TMEM132C: variants seen among roughly 807,000 people sequenced by gnomAD.
TMEM132C encodes the protein transmembrane protein 132C, also known as protein phosphatase 1, regulatory subunit 152.
A neutral mutation model predicts 61.4 loss-of-function variants in TMEM132C; 29 were observed. The ratio of observed to expected loss-of-function variants is 0.47; its 90% CI spans 0.35 to 0.64. TMEM132C has a LOEUF of 0.64. Among genes scored for constraint, TMEM132C ranks in the 30% least tolerant of loss-of-function variants. The pLI is 0.00. For synonymous variants in TMEM132C, 656 were observed against 633.1 expected, an observed-to-expected ratio of 1.04 and a Z score of -0.54; for missense variants, 1,408 against 1,476.9, an observed-to-expected ratio of 0.95 and a Z score of 0.76.
chr12:128,334,621 T>C (rs1593014839), intron 1 of TMEM132C, among the ~76,000 whole-genome samples: 1 of 148,308 alleles, frequency 6.7e-6, no homozygotes, highest in African/African-American at 2.5e-5. Context: ...TTTGAGACGG[T>C]GTCTTGCTCT....
At chr12:128,655,913 C>T (rs550687976) in intron 4 of TMEM132C, among the ~76,000 whole-genome samples, 1 of 152,258 alleles carries the variant, frequency 6.6e-6, no homozygotes, top group Admixed American at 6.5e-5. Flanking sequence ...TGAGAATAAC[C>T]GAAAACCTTC....
At chr12:128,492,975 G>A (rs1269163900) in intron 2 of TMEM132C, among the ~76,000 whole-genome samples, 2 of 152,028 alleles carry the variant, frequency 1.3e-5, no homozygotes, top group African/African-American at 2.4e-5. Flanking sequence ...GGGTTTTTAT[G>A]GTTTTAGGTC....
At chr12:128,411,097 A>G (rs768091261) in intron 1 of TMEM132C, among the ~76,000 whole-genome samples, 2 of 152,192 alleles carry the variant, frequency 1.3e-5, no homozygotes, top group African/African-American at 4.8e-5. Flanking sequence ...CTGTGTGTGC[A>G]TGTTGGGGGA....
chr12:128,287,039 G>C (rs1484372524), intron 1 of TMEM132C, among the ~76,000 whole-genome samples: 1 of 152,216 alleles, frequency 6.6e-6, no homozygotes, highest in African/African-American at 2.4e-5. Context: ...TCATGTCTGT[G>C]AGAAATCTTG....
At position 128,706,061 on chromosome 12, in the gene TMEM132C, C is replaced by CG. The variant is rs751198748; in HGVS notation, c.3099dup (p.Arg1034AlafsTer46). ...GCCAGATTCACAGGTCAGCCGACTC[C>CG]GGGGGGCGGCAGGGCAGAGAACAGA... is the stretch of plus-strand genomic sequence containing the variant. On this transcript the variant is annotated frameshift_variant, in exon 9 of 9. Coordinates refer to ENST00000435159, the MANE Select transcript of TMEM132C (RefSeq NM_001136103.3). LOFTEE classifies it low-confidence loss of function (END_TRUNC). The CG allele has an allele frequency of 4.5e-6, 7 of 1,551,668 alleles. No individual in the cohort carries two copies. In the South Asian group the frequency reaches 4.8e-5, roughly 11 times the overall value.
At chr12:128,538,709 A>G (rs1321193201) in intron 2 of TMEM132C, among the ~76,000 whole-genome samples, 1 of 152,244 alleles carries the variant, frequency 6.6e-6, no homozygotes, top group Non-Finnish European at 1.5e-5. Flanking sequence ...TCACCGAGTA[A>G]CGCACTGATG....
intron 2 of TMEM132C, among the ~76,000 whole-genome samples, chr12:128,509,299 G>C (rs556168444): frequency 1.3e-5 from 2 of 152,146 alleles, no homozygotes; most frequent in Non-Finnish European, 2.9e-5. Flanking sequence ...GGGAAAGAGC[G>C]GGCGGGAGGG....
intron 5 of TMEM132C, among the ~76,000 whole-genome samples, chr12:128,686,472 A>G (rs1954678087): frequency 6.6e-6 from 1 of 152,226 alleles, no homozygotes; most frequent in East Asian, 1.9e-4. Flanking sequence ...GTGTGCCTGT[A>G]GTCCCAGCCA....
At chr12:128,449,799 C>T (rs75840394) in intron 2 of TMEM132C, among the ~76,000 whole-genome samples, 10,318 of 152,190 alleles carry the variant, frequency 0.068, 431 homozygotes, top group Middle Eastern at 0.11. Context: ...GCTGCTGCTT[C>T]CCAGGAAGGT....
rs887247209 is a variant in TMEM132C, at chr12:128,707,126, G to C, written c.*831G>C. ...GAGGGAGCCCTCAGAGCCTTCTGGGGGAGGAGAGGAACTGTCCTTAATCCA... is the reference window on the plus strand; with the variant it reads ...GAGGGAGCCCTCAGAGCCTTCTGGGCGAGGAGAGGAACTGTCCTTAATCCA... On this transcript the variant is annotated 3_prime_UTR_variant, in exon 9 of 9. Transcript: ENST00000435159. The C allele has an allele frequency of 6.6e-6, 1 of 152,138 alleles. No homozygotes were observed. The allele number at this position is 152,138 out of a possible 1,614,324, so 9.4% of individuals were successfully genotyped here.
intron 2 of TMEM132C, among the ~76,000 whole-genome samples, chr12:128,493,877 CA>C (rs1215002560): frequency 1.3e-5 from 2 of 152,150 alleles, no homozygotes; most frequent in African/African-American, 4.8e-5. Context: ...CCAGAACTTC[CA>C]ACACTATGTT....
chr12:128,387,972 C>T (rs537593344), intron 1 of TMEM132C, among the ~76,000 whole-genome samples: 14 of 152,350 alleles, frequency 9.2e-5, no homozygotes, highest in African/African-American at 2.6e-4. Flanking sequence ...TGCCCTTCCC[C>T]GCCCTCTGGT....
In TMEM132C at chr12:128,705,969, G is replaced by C. The variant is rs528438138; in HGVS notation, c.3001G>C (p.Gly1001Arg). The C allele has an allele frequency of 6.4e-7, 1 of 1,551,500 alleles. No homozygotes were observed. Among genetic ancestry groups the C allele is most frequent in the African/African-American group, 1.4e-5 (1 of 73,034 alleles). The change falls in exon 9 of 9, where the codon GGA becomes CGA. Residue 1001 changes from glycine (G) to arginine (R), a missense_variant. Gly to Arg is a moderately radical substitution (Grantham distance 125). Coordinates refer to ENST00000435159, the MANE Select transcript of TMEM132C (RefSeq NM_001136103.3). ...QDEHTTIIDR[G>R]PGACEESNHL... ...CGAGCACACCACCATCATAGACCGC[G>C]GACCGGGGGCCTGCGAGGAGAGCAA... is the stretch of plus-strand genomic sequence containing the variant.
At chr12:128,351,223 C>A (rs1485675456) in intron 1 of TMEM132C, among the ~76,000 whole-genome samples, 1 of 151,976 alleles carries the variant, frequency 6.6e-6, no homozygotes, top group East Asian at 1.9e-4. Context: ...AGTGATATGA[C>A]CTGGTTCATT....
At chr12:128,307,161 G>A (rs1254442785) in intron 1 of TMEM132C, among the ~76,000 whole-genome samples, 1 of 152,124 alleles carries the variant, frequency 6.6e-6, no homozygotes, top group African/African-American at 2.4e-5. Context: ...GGCACCATAA[G>A]AGGCAAGGAG....
chr12:128,440,354 A>G (rs925495830), intron 2 of TMEM132C, among the ~76,000 whole-genome samples: 2 of 152,210 alleles, frequency 1.3e-5, no homozygotes, highest in Admixed American at 6.5e-5. Flanking sequence ...CAGAAAATGA[A>G]TGTAGAAAAA....
At position 128,495,306 on chromosome 12, in the gene TMEM132C, T is replaced by C. The variant is rs1417871128; in HGVS notation, c.975-48651T>C. On this transcript the variant is annotated intron_variant, in intron 2 of 8. Coordinates refer to ENST00000435159, the MANE Select transcript of TMEM132C (RefSeq NM_001136103.3). ...GTGATGTGGTGCTGAGAAGAACGTATATTCTGTTGATTTGGGGTGGAGAGT... is the reference window on the plus strand; with the variant it reads ...GTGATGTGGTGCTGAGAAGAACGTACATTCTGTTGATTTGGGGTGGAGAGT... Among the ~76,000 whole-genome samples the C allele has an allele frequency of 2.0e-5, 3 of 152,106 alleles. No individual in the cohort carries two copies. In the East Asian group the frequency reaches 5.8e-4, roughly 29 times the overall value.
At chr12:128,471,831 C>G (rs1001203163) in intron 2 of TMEM132C, among the ~76,000 whole-genome samples, 3 of 152,146 alleles carry the variant, frequency 2.0e-5, no homozygotes, top group Admixed American at 1.3e-4. Context: ...GCCCTGAAGT[C>G]AGCACTCTAT....
intron 1 of TMEM132C, among the ~76,000 whole-genome samples, chr12:128,279,584 C>A (rs965010026): frequency 2.0e-5 from 3 of 152,220 alleles, no homozygotes; most frequent in Admixed American, 6.5e-5. Context: ...GTCCCATGGG[C>A]CTGCTTGCTG....
Sources: gnomAD v4.1 joint callset for allele counts (sites outside exome capture counted in the v4.1 genomes callset) on GRCh38, gnomAD v4.1.1 for gene constraint, MANE v1.5 for transcripts, NCBI Gene and HGNC (gene_info 2026-07-23, HGNC 2026-07-21) for gene names.